Variants in FNTA observed in about 807,000 individuals in gnomAD.
FNTA encodes protein farnesyltransferase/geranylgeranyltransferase type-1 subunit alpha.
In FNTA, 27 loss-of-function variants were observed where a neutral mutation model predicts 55.2. That is an observed-to-expected ratio of 0.49 (90% CI 0.36 to 0.67). FNTA has a LOEUF of 0.67. Ranked by LOEUF, FNTA falls within the 30% of genes least tolerant of loss-of-function variation. The pLI is 0.00. For missense variants in FNTA, 422 were observed against 464.7 expected, an observed-to-expected ratio of 0.91 and a Z score of 0.85; for synonymous variants, 176 against 170.7, an observed-to-expected ratio of 1.03 and a Z score of -0.24.
chr8:43,062,064 T>A (rs1232760598), intron 2 of FNTA, among the ~76,000 whole-genome samples: 3 of 152,110 alleles, frequency 2.0e-5, no homozygotes, highest in African/African-American at 7.2e-5. Context: ...ATTTTACCTT[T>A]TACAGTGAAT....
rs1318587003 is a variant in FNTA at position 43,084,254 on chromosome 8, C to T, written c.846-456C>T. 4.4e-5 allele frequency among the ~76,000 whole-genome samples: 6 copies of T among 136,214 alleles called. No homozygotes were observed. In the Admixed American group the frequency reaches 4.7e-4, roughly 11 times the overall value. The allele number at this position is 136,214 out of a possible 152,430, so 89.4% of individuals were successfully genotyped here. Reference sequence around the variant, plus strand: ...TTTTTTTTGGAGACAGGATCTCACTCTGTTGCCTAGGCTGGAGGGCAGTGG... The same window carrying T: ...TTTTTTTTGGAGACAGGATCTCACTTTGTTGCCTAGGCTGGAGGGCAGTGG... On this transcript the variant is annotated intron_variant, in intron 7 of 8. Coordinates refer to ENST00000302279, the MANE Select transcript of FNTA (RefSeq NM_002027.3).
intron 7 of FNTA, 118 bp from the exon 8 acceptor site, chr8:43,084,592 A>G: frequency 2.7e-6 from 2 of 731,342 alleles, no homozygotes; most frequent in Non-Finnish European, 4.4e-6. Flanking sequence ...AGCGTCATTC[A>G]TTCAAAATAA....
At chr8:43,065,770 C>T (rs554127480) in intron 3 of FNTA, among the ~76,000 whole-genome samples, 10 of 151,280 alleles carry the variant, frequency 6.6e-5, no homozygotes, top group Non-Finnish European at 8.8e-5. Flanking sequence ...TGTCCTAGAT[C>T]GTATACCTTT....
At chr8:43,058,260 C>T (rs992858938) in intron 1 of FNTA, among the ~76,000 whole-genome samples, 1 of 152,128 alleles carries the variant, frequency 6.6e-6, no homozygotes, top group African/African-American at 2.4e-5. Flanking sequence ...GGTCACACAG[C>T]TATTAAGTGC....
At position 43,072,311 on chromosome 8, in the gene FNTA, T is replaced by C; in HGVS notation, c.633+4T>C. ...GCATCGACAATGGGTTATTCAGGTA[T>C]TGCCTTTCTTGTACAGTGTTTTTCA... On this transcript the variant is annotated splice_donor_region_variant and intron_variant, in intron 5 of 8. Transcript: ENST00000302279. 6.4e-7 allele frequency: 1 copy of C among 1,559,366 alleles called. No individual in the cohort carries two copies. The highest frequency in any genetic ancestry group is 8.7e-7 in the Non-Finnish European group (1 of 1,154,218).
rs111493442 is a variant in FNTA at position 43,069,397 on chromosome 8, A to G, written c.402-158A>G. ...GGCCTCCCAAAGTGCTGGGATTACA[A>G]GCATGAGCCACCGTGCTTGGCCTAT... is the stretch of plus-strand genomic sequence containing the variant. On this transcript the variant is annotated intron_variant, in intron 3 of 8. Transcript: ENST00000302279. 2.5e-3 allele frequency among the ~76,000 whole-genome samples: 382 copies of G among 150,994 alleles called. 2 individuals carry two copies. The highest frequency in any genetic ancestry group is 0.011 in the South Asian group (53 of 4,762).
intron 5 of FNTA, among the ~76,000 whole-genome samples, chr8:43,074,965 G>A (rs1810876620): frequency 6.6e-6 from 1 of 152,120 alleles, no homozygotes; most frequent in Admixed American, 6.5e-5. Context: ...TAACAATAAT[G>A]TACAGATGTC....
At chr8:43,076,687 G>C (rs949526279) in intron 5 of FNTA, 2 of 152,182 alleles carry the variant, frequency 1.3e-5, no homozygotes, top group Non-Finnish European at 2.9e-5. Context: ...AGACCAGCCT[G>C]ACCAACGTGG....
chr8:43,066,074 T>C (rs1021958263), intron 3 of FNTA, among the ~76,000 whole-genome samples: 1 of 151,334 alleles, frequency 6.6e-6, no homozygotes, highest in Non-Finnish European at 1.5e-5. Context: ...TCCTCTGTTT[T>C]CTTTTTCTGG....
intron 2 of FNTA, chr8:43,063,188 C>T: frequency 2.2e-6 from 1 of 449,568 alleles, no homozygotes; most frequent in Non-Finnish European, 4.5e-6. Flanking sequence ...TCAAGCGATC[C>T]TCCTACCTCT....
intron 4 of FNTA, among the ~76,000 whole-genome samples, chr8:43,071,716 AAAAC>A (rs1475374553): frequency 6.6e-6 from 1 of 151,154 alleles, no homozygotes; most frequent in Admixed American, 6.6e-5. Flanking sequence ...AAAAAACAAA[AAAAC>A]TCCTCTGTTG....
In FNTA at chr8:43,059,080, G is replaced by C. The variant is rs773987507; in HGVS notation, c.201-12G>C. On this transcript the variant is annotated splice_polypyrimidine_tract_variant and intron_variant, in intron 1 of 8. Transcript: ENST00000302279. ...TGAATGTAACCACTGGTTGGGGAAT[G>C]TCTGTTTTCAGGGACAGAGCAGAAT... 3 of 1,604,718 alleles carry C rather than the reference G, an allele frequency of 1.9e-6. No homozygotes were observed. Among genetic ancestry groups the C allele is most frequent in the African/African-American group, 1.3e-5 (1 of 74,698 alleles).
At chr8:43,064,238 A>T in intron 3 of FNTA, 23 bp downstream of exon 3, 1 of 1,364,978 alleles carries the variant, frequency 7.3e-7, no homozygotes, top group East Asian at 2.3e-5. Context: ...CATCATCAGT[A>T]TTCCCTGCTT....
chr8:43,068,874 A>G (rs773729462), intron 3 of FNTA, among the ~76,000 whole-genome samples: 3 of 151,694 alleles, frequency 2.0e-5, no homozygotes, highest in Non-Finnish European at 4.4e-5. Flanking sequence ...CACCTCGCCC[A>G]ACTGATTTTG....
intron 2 of FNTA, chr8:43,063,385 A>G (rs144498118): frequency 8.8e-6 from 4 of 452,806 alleles, no homozygotes; most frequent in African/African-American, 4.0e-5. Flanking sequence ...ATATCCTTGA[A>G]TACTTGCACA....
chr8:43,075,362 C>G lies in FNTA; in HGVS notation c.634-1854C>G, dbSNP rs955684635. Among the ~76,000 whole-genome samples, 9 of 15,174 alleles carry G rather than the reference C, an allele frequency of 5.9e-4. No individual in the cohort carries two copies. In the South Asian group the frequency reaches 0.014, roughly 23 times the overall value. 10.0% of individuals were successfully genotyped at this position (15,174 alleles called of 152,430 possible). On this transcript the variant is annotated intron_variant, in intron 5 of 8. Transcript: ENST00000302279. ...CGGGGACTATCATAGGAGATTCTTA[C>G]TTTTTTGCTGTTACCAAATAAGAAA...
intron 6 of FNTA, chr8:43,081,735 A>T (rs1811030897): frequency 1.3e-5 from 2 of 152,146 alleles, no homozygotes; most frequent in Non-Finnish European, 2.9e-5. Flanking sequence ...GCTAATTGTT[A>T]AAATTTTTTG....
At position 43,069,527 on chromosome 8, in the gene FNTA, G is replaced by A. The variant is rs1437858142; in HGVS notation, c.402-28G>A. On this transcript the variant is annotated intron_variant, in intron 3 of 8. Transcript: ENST00000302279. The stretch of plus-strand genomic sequence containing the variant: ...TTAGGGAACTTCTGTGTAATAATGC[G>A]ACTTTGGATGTTGTATGTTTGCCCT... 6 of 1,391,838 alleles carry A rather than the reference G, an allele frequency of 4.3e-6. No individual in the cohort carries two copies. The Admixed American group carries it at 5.2e-5, about 12-fold the overall frequency. 86.2% of individuals were successfully genotyped at this position (1,391,838 alleles called of 1,614,324 possible).
chr8:43,063,990 A>G (rs1434636812), intron 2 of FNTA, 111 bp from the exon 3 acceptor site: 2 of 701,724 alleles, frequency 2.9e-6, no homozygotes, highest in Admixed American at 2.7e-5. Flanking sequence ...GCTTGTTGGT[A>G]TAAATGATAC....
Sources: allele counts gnomAD v4.1 joint callset (sites outside exome capture counted in the v4.1 genomes callset), GRCh38; gene constraint gnomAD v4.1.1; transcripts MANE v1.5; gene names NCBI Gene and HGNC (gene_info 2026-07-23, HGNC 2026-07-21).